Variants in PTPN21 observed in about 807,000 individuals in gnomAD.
PTPN21 encodes the protein protein tyrosine phosphatase non-receptor type 21.
A neutral mutation model predicts 131.8 loss-of-function variants in PTPN21; 77 were observed. The ratio of observed to expected loss-of-function variants is 0.58; its 90% CI spans 0.49 to 0.71. The LOEUF is 0.71. Ranked by LOEUF, PTPN21 falls within the 30% of genes least tolerant of loss-of-function variation. The pLI is 0.00. For missense variants in PTPN21, 1,552 were observed against 1,527.1 expected (o/e 1.02, Z -0.27); for synonymous variants, 715 against 621.3 (o/e 1.15, Z -2.24).
intron 10 of PTPN21, among the ~76,000 whole-genome samples, chr14:88,493,898 G>A (rs2077864092): frequency 6.6e-6 from 1 of 152,186 alleles, no homozygotes; most frequent in Non-Finnish European, 1.5e-5. Context: ...TAGATTAGCT[G>A]AACAAATTCA....
intron 2 of PTPN21, among the ~76,000 whole-genome samples, chr14:88,534,234 C>T (rs764719649): frequency 7.6e-6 from 1 of 131,246 alleles, no homozygotes; most frequent in Non-Finnish European, 1.6e-5. Flanking sequence ...AAAGGGGGGG[C>T]GGGGGGCGCT....
At chr14:88,517,780 GTA>G (rs200893281) in intron 2 of PTPN21, among the ~76,000 whole-genome samples, 2,660 of 140,064 alleles carry the variant, frequency 0.019, 83 homozygotes, top group African/African-American at 0.065. Flanking sequence ...ATATATAATG[GTA>G]TATATATATG....
At chr14:88,478,423 T>C (rs141326268) in intron 13 of PTPN21, among the ~76,000 whole-genome samples, 3 of 152,308 alleles carry the variant, frequency 2.0e-5, no homozygotes, top group East Asian at 1.9e-4. Context: ...ACGGCCAAGA[T>C]ATGTAAGCTG....
intron 2 of PTPN21, among the ~76,000 whole-genome samples, chr14:88,547,243 T>C (rs543991086): frequency 1.3e-5 from 2 of 148,904 alleles, no homozygotes; most frequent in African/African-American, 2.5e-5. Context: ...CTAGGCGTTA[T>C]AGACAGACCT....
At chr14:88,543,769 T>C (rs932698547) in intron 2 of PTPN21, among the ~76,000 whole-genome samples, 1 of 152,230 alleles carries the variant, frequency 6.6e-6, no homozygotes, top group African/African-American at 2.4e-5. Flanking sequence ...GAGGCCACTA[T>C]ATATATTTTG....
At chr14:88,533,763 T>C (rs981996617) in intron 2 of PTPN21, among the ~76,000 whole-genome samples, 2 of 151,664 alleles carry the variant, frequency 1.3e-5, no homozygotes, top group African/African-American at 2.4e-5. Context: ...TAGACCCAAC[T>C]AGGAGGCTGA....
intron 5 of PTPN21, 33 bp from the exon 6 acceptor site, chr14:88,504,528 A>G (rs928898414): frequency 5.2e-6 from 8 of 1,526,094 alleles, no homozygotes; most frequent in Non-Finnish European, 7.3e-6. Flanking sequence ...AGTATGTGAC[A>G]ATTCACCCCA....
intron 2 of PTPN21, among the ~76,000 whole-genome samples, chr14:88,540,381 C>G (rs779280135): frequency 1.3e-5 from 2 of 152,158 alleles, no homozygotes; most frequent in Non-Finnish European, 2.9e-5. Flanking sequence ...CAATGCAGAG[C>G]TATCATTCTT....
At chr14:88,486,286 G>A (rs1268639687) in intron 10 of PTPN21, among the ~76,000 whole-genome samples, 1 of 152,082 alleles carries the variant, frequency 6.6e-6, no homozygotes. Context: ...TCCTCCCGGG[G>A]GACCATCCAC....
At chr14:88,490,861 C>T (rs1228458730) in intron 10 of PTPN21, among the ~76,000 whole-genome samples, 1 of 152,126 alleles carries the variant, frequency 6.6e-6, no homozygotes, top group Non-Finnish European at 1.5e-5. Flanking sequence ...TTGAAGGATA[C>T]CATCCTCCCT....
intron 3 of PTPN21, among the ~76,000 whole-genome samples, chr14:88,513,211 C>A (rs1372426791): frequency 6.6e-6 from 1 of 152,186 alleles, no homozygotes; most frequent in East Asian, 1.9e-4. Context: ...GTCGCCCAGG[C>A]TGGAGTGCAG....
chr14:88,551,793 C>T (rs1409417406), intron 1 of PTPN21: 1 of 152,464 alleles, frequency 6.6e-6, no homozygotes, highest in Admixed American at 6.5e-5. Flanking sequence ...CCTCCCGCCT[C>T]AACCTCCCGA....
At chr14:88,476,978 C>T (rs1394994181) in intron 13 of PTPN21, among the ~76,000 whole-genome samples, 1 of 152,178 alleles carries the variant, frequency 6.6e-6, no homozygotes, top group Admixed American at 6.5e-5. Flanking sequence ...GAGTACTGAG[C>T]TGTACTCAGA....
chr14:88,534,747 G>C (rs749121628), intron 2 of PTPN21, among the ~76,000 whole-genome samples: 1 of 151,878 alleles, frequency 6.6e-6, no homozygotes, highest in Non-Finnish European at 1.5e-5. Context: ...GGTGGTGCAC[G>C]CCTATAATTC....
In PTPN21 at chr14:88,468,979, C is replaced by G; in HGVS notation, c.3333G>C (p.Gly1111=). ...AAATCACCACGCCAGTCCTTCCTAC[C>G]CCAGCACTGCAGTGGACCAACAACG... ...NPPLLVHCSA[G]VGRTGVVILS... Residue 1111 remains glycine (G), a synonymous_variant, in exon 18 of 19, where the codon GGG becomes GGC. Coordinates refer to ENST00000556564, the MANE Select transcript of PTPN21 (RefSeq NM_007039.4). The G allele has an allele frequency of 6.2e-7, 1 of 1,614,174 alleles. No individual in the cohort carries two copies. Among genetic ancestry groups the G allele is most frequent in the Non-Finnish European group, 8.5e-7 (1 of 1,180,034 alleles).
intron 2 of PTPN21, among the ~76,000 whole-genome samples, chr14:88,542,264 C>T (rs1433612630): frequency 1.3e-5 from 2 of 152,150 alleles, no homozygotes; most frequent in East Asian, 1.9e-4. Flanking sequence ...CAAATGGAGA[C>T]AGCAGAAAGT....
chr14:88,485,263 GAATTA>G, intron 11 of PTPN21, 103 bp from the exon 12 acceptor site: 1 of 606,294 alleles, frequency 1.6e-6, no homozygotes, highest in Non-Finnish European at 2.7e-6. Context: ...ACTTCTAAAG[GAATTA>G]AATATATTAT....
At position 88,479,544 on chromosome 14, in the gene PTPN21, G is replaced by A. The variant is rs1340240912; in HGVS notation, c.1887C>T (p.His629=). 4 of 1,599,536 alleles carry A rather than the reference G, an allele frequency of 2.5e-6. No individual in the cohort carries two copies. The highest frequency in any genetic ancestry group is 1.1e-5 in the South Asian group (1 of 90,990). The change falls in exon 13 of 19, where the codon CAC becomes CAT. Residue 629 remains histidine (H), a synonymous_variant. Coordinates refer to ENST00000556564, the MANE Select transcript of PTPN21 (RefSeq NM_007039.4). ...TGCTGTTCCGTTTGTGCAGCTGCGC[G>A]TGGCGCGCGGCGGTGAGGGGCTCGC... ...EVSEPLTAAR[H]AQLHKRNSIE... is the part of the protein sequence containing the mutation.
intron 13 of PTPN21, among the ~76,000 whole-genome samples, chr14:88,477,181 T>C (rs531490522): frequency 6.6e-6 from 1 of 152,190 alleles, no homozygotes; most frequent in East Asian, 1.9e-4. Context: ...ACTGAAGGCA[T>C]TGGCCTTTAC....
Sources: gnomAD v4.1 joint callset for allele counts (sites outside exome capture counted in the v4.1 genomes callset) on GRCh38, gnomAD v4.1.1 for gene constraint, MANE v1.5 for transcripts, NCBI Gene and HGNC (gene_info 2026-07-23, HGNC 2026-07-21) for gene names.